Variants in CDH4 observed in about 807,000 individuals in gnomAD.
CDH4 encodes the protein cadherin 4, also known as cadherin-4.
A neutral mutation model predicts 86.0 loss-of-function variants in CDH4; 33 were observed. The ratio of observed to expected loss-of-function variants is 0.38; its 90% confidence interval spans 0.29 to 0.51. CDH4 has a LOEUF of 0.51. CDH4 is among the 20% of genes least tolerant of loss of function. The pLI, the probability that CDH4 is intolerant of heterozygous loss-of-function variation, is 0.86. For synonymous variants in CDH4, 555 were observed against 549.4 expected (o/e 1.01, Z -0.14); for missense variants, 1,114 against 1,307.4 (o/e 0.85, Z 2.28).
chr20:61,305,742 C>G (rs2084413379), intron 2 of CDH4, among the ~76,000 whole-genome samples: 1 of 152,156 alleles, frequency 6.6e-6, no homozygotes, highest in Admixed American at 6.5e-5. Context: ...AGGGAGCCAC[C>G]TTGATCTGGA....
At chr20:61,399,569 C>A (rs1259484623) in intron 2 of CDH4, among the ~76,000 whole-genome samples, 1 of 152,188 alleles carries the variant, frequency 6.6e-6, no homozygotes, top group Non-Finnish European at 1.5e-5. Context: ...GCCTTTGCAC[C>A]CCCTCTGCCC....
At chr20:61,815,220 C>G (rs1980652055) in intron 4 of CDH4, among the ~76,000 whole-genome samples, 1 of 152,144 alleles carries the variant, frequency 6.6e-6, no homozygotes, top group Non-Finnish European at 1.5e-5. Context: ...TCCTGTCTAA[C>G]CCCAAGGCCA....
intron 2 of CDH4, among the ~76,000 whole-genome samples, chr20:61,675,828 G>T (rs939498370): frequency 6.6e-6 from 1 of 151,868 alleles, no homozygotes; most frequent in Non-Finnish European, 1.5e-5. Flanking sequence ...CCATCGCAGG[G>T]GCTGAGGCTT....
intron 2 of CDH4, among the ~76,000 whole-genome samples, chr20:61,666,502 T>G (rs928690939): frequency 1.1e-4 from 16 of 152,244 alleles, no homozygotes; most frequent in African/African-American, 3.9e-4. Context: ...GCGGACAGAC[T>G]CCCTACAGAG....
intron 5 of CDH4, among the ~76,000 whole-genome samples, chr20:61,846,561 C>T (rs1982465534): frequency 6.6e-6 from 1 of 151,986 alleles, no homozygotes; most frequent in South Asian, 2.1e-4. Context: ...GACAGAGACA[C>T]AGAGAGAGAC....
At chr20:61,283,468 C>T (rs1206552808) in intron 2 of CDH4, among the ~76,000 whole-genome samples, 17 of 90,412 alleles carry the variant, frequency 1.9e-4, no homozygotes, top group Admixed American at 3.8e-4. Flanking sequence ...CGTTTGCACG[C>T]GTGTGCTGTG....
At chr20:61,781,684 G>T (rs779400784) in intron 4 of CDH4, among the ~76,000 whole-genome samples, 1 of 152,076 alleles carries the variant, frequency 6.6e-6, no homozygotes, top group Non-Finnish European at 1.5e-5. Flanking sequence ...GAGGAGAGAT[G>T]ATCAGAAAAA....
At chr20:61,692,580 A>G (rs1162205371) in intron 2 of CDH4, among the ~76,000 whole-genome samples, 1 of 152,218 alleles carries the variant, frequency 6.6e-6, no homozygotes. Context: ...ACGTTTCCTA[A>G]TAAGCATTTA....
At chr20:61,346,320 G>A (rs893899507) in intron 2 of CDH4, among the ~76,000 whole-genome samples, 6 of 152,278 alleles carry the variant, frequency 3.9e-5, no homozygotes, top group African/African-American at 1.2e-4. Flanking sequence ...TGGTGTGGTC[G>A]GAGGGAGGCA....
At chr20:61,767,679 G>C (rs2088716547) in intron 3 of CDH4, among the ~76,000 whole-genome samples, 1 of 152,190 alleles carries the variant, frequency 6.6e-6, no homozygotes, top group Non-Finnish European at 1.5e-5. Context: ...GAGTGCATCA[G>C]GGAGCCCAGT....
chr20:61,472,018 AT>A (rs1341922530), intron 2 of CDH4, among the ~76,000 whole-genome samples: 1 of 152,150 alleles, frequency 6.6e-6, no homozygotes, highest in Non-Finnish European at 1.5e-5. Flanking sequence ...GATTAGGTCC[AT>A]TTTGTCTGTA....
At chr20:61,789,439 G>A (rs766898314) in intron 4 of CDH4, among the ~76,000 whole-genome samples, 7 of 152,062 alleles carry the variant, frequency 4.6e-5, no homozygotes, top group South Asian at 2.1e-4. Flanking sequence ...GGAGGGGGGC[G>A]GTGCCTGGGC....
intron 2 of CDH4, among the ~76,000 whole-genome samples, chr20:61,700,438 GT>G (rs2087762740): frequency 6.6e-6 from 1 of 152,202 alleles, no homozygotes; most frequent in African/African-American, 2.4e-5. Context: ...TGAAAAACGT[GT>G]GGATCAGAAA....
chr20:61,265,202 A>C (rs1216321984), intron 2 of CDH4, among the ~76,000 whole-genome samples: 3 of 123,468 alleles, frequency 2.4e-5, no homozygotes, highest in Non-Finnish European at 5.0e-5. Context: ...CCTTCATTCA[A>C]TCTTACTCAT....
At chr20:61,802,433 A>C (rs564752902) in intron 4 of CDH4, among the ~76,000 whole-genome samples, 6 of 152,264 alleles carry the variant, frequency 3.9e-5, no homozygotes, top group African/African-American at 1.2e-4. Flanking sequence ...GAGGAAACTG[A>C]AGCTCCCCCA....
At chr20:61,922,194 G>A (rs866705148) in intron 9 of CDH4, among the ~76,000 whole-genome samples, 8 of 152,314 alleles carry the variant, frequency 5.3e-5, no homozygotes, top group South Asian at 4.1e-4. Context: ...TACTTTGCAC[G>A]TATCTAAGCA....
Position 61,393,269 on chromosome 20 carries a change from G to A in CDH4, c.169+138332G>A, listed in dbSNP as rs537679280. 1.3e-5 allele frequency among the ~76,000 whole-genome samples: 2 copies of A among 152,218 alleles called. No homozygotes were observed. Among genetic ancestry groups the A allele is most frequent in the South Asian group, 2.1e-4 (1 of 4,822 alleles). ...TCCCTCCAACAAGAGGCCATCTCAC[G>A]GGCGAGCCCACACACCTGGAGAGAA... On this transcript the variant is annotated intron_variant, in intron 2 of 15. Coordinates refer to ENST00000614565, the MANE Select transcript of CDH4 (RefSeq NM_001794.5). The surrounding 1 kb of genome is among the most constrained non-coding windows in gnomAD (Gnocchi z 4.3).
At chr20:61,635,147 T>C (rs2086933729) in intron 2 of CDH4, among the ~76,000 whole-genome samples, 1 of 152,120 alleles carries the variant, frequency 6.6e-6, no homozygotes, top group Non-Finnish European at 1.5e-5. Flanking sequence ...TTCCTTACGA[T>C]GTCTGCTGAG....
chr20:61,535,243 T>C lies in CDH4; in HGVS notation c.170-208320T>C, dbSNP rs538018169. ...GCGACCTGATGACCTGTAACTTCAG[T>C]GGCAGATCCAGTAGTCTCGACTGGT... On this transcript the variant is annotated intron_variant, in intron 2 of 15. Coordinates refer to ENST00000614565, the MANE Select transcript of CDH4 (RefSeq NM_001794.5). Among the ~76,000 whole-genome samples the C allele has an allele frequency of 1.5e-4, 23 of 152,306 alleles. 1 individual carries two copies. The South Asian group carries it at 4.3e-3, about 29-fold the overall frequency.
Sources: gnomAD v4.1 joint callset for allele counts (sites outside exome capture counted in the v4.1 genomes callset) on GRCh38, gnomAD v4.1.1 for gene constraint, Gnocchi (gnomAD v3.1) non-coding constraint, MANE v1.5 for transcripts, NCBI Gene and HGNC (gene_info 2026-07-23, HGNC 2026-07-21) for gene names.